XKR4: variants seen among roughly 807,000 people sequenced by gnomAD.
XKR4 encodes the protein XK related 4.
XKR4 carries 12 observed loss-of-function variants against 53.9 expected under a neutral mutation model. The observed-to-expected ratio is 0.22, with a 90% CI of 0.14 to 0.36. The LOEUF is 0.36. XKR4 is among the 10% of genes least tolerant of loss of function. The pLI, the probability that XKR4 is intolerant of heterozygous loss-of-function variation, is 1.00. For synonymous variants in XKR4, 354 were observed against 362.4 expected, an observed-to-expected ratio of 0.98 and a Z score of 0.26; for missense variants, 799 against 859.5, an observed-to-expected ratio of 0.93 and a Z score of 0.88.
chr8:55,429,802 T>C (rs1254249941), intron 2 of XKR4, among the ~76,000 whole-genome samples: 1 of 151,900 alleles, frequency 6.6e-6, no homozygotes, highest in Admixed American at 6.6e-5. Context: ...TACAAAACTT[T>C]TAAACTTTTG....
chr8:55,474,128 C>T (rs1805939502), intron 2 of XKR4, among the ~76,000 whole-genome samples: 1 of 152,030 alleles, frequency 6.6e-6, no homozygotes, highest in African/African-American at 2.4e-5. Flanking sequence ...CCAGGCTGGT[C>T]TTGAACTCCT....
At chr8:55,320,813 G>A (rs900195866) in intron 1 of XKR4, among the ~76,000 whole-genome samples, 8 of 151,942 alleles carry the variant, frequency 5.3e-5, no homozygotes, top group Non-Finnish European at 1.0e-4. Context: ...ACCTTTCTTT[G>A]TGTTAGAAAC....
At chr8:55,197,779 G>A (rs984266027) in intron 1 of XKR4, among the ~76,000 whole-genome samples, 2 of 152,096 alleles carry the variant, frequency 1.3e-5, no homozygotes, top group Non-Finnish European at 2.9e-5. Flanking sequence ...TCCTGACCTC[G>A]TGATCCACCT....
At chr8:55,138,231 G>A (rs1005957353) in intron 1 of XKR4, among the ~76,000 whole-genome samples, 1 of 152,050 alleles carries the variant, frequency 6.6e-6, no homozygotes, top group African/African-American at 2.4e-5. Context: ...ATTTATGTAA[G>A]TTTGCCAGCT....
chr8:55,124,728 T>A (rs1816438290), intron 1 of XKR4, among the ~76,000 whole-genome samples: 1 of 152,206 alleles, frequency 6.6e-6, no homozygotes, highest in South Asian at 2.1e-4. Flanking sequence ...TTTTATTCTT[T>A]TTAGATACAG....
At chr8:55,376,161 G>C (rs1461170790) in intron 2 of XKR4, among the ~76,000 whole-genome samples, 1 of 152,076 alleles carries the variant, frequency 6.6e-6, no homozygotes, top group African/African-American at 2.4e-5. Flanking sequence ...CCATGTCTTT[G>C]CTATTGTGAA....
Position 55,169,436 on chromosome 8 carries a change from C to A in XKR4, c.806+66142C>A, listed in dbSNP as rs142950976. On this transcript the variant is annotated intron_variant, in intron 1 of 2. Coordinates refer to ENST00000327381, the MANE Select transcript of XKR4 (RefSeq NM_052898.2). ...ATGCCAAACCCAATATGAAAGTCAT[C>A]AGTTTAGAGTTACAGAAGGGTATCG... is the stretch of plus-strand genomic sequence containing the variant. Among the ~76,000 whole-genome samples the A allele has an allele frequency of 3.4e-3, 515 of 152,310 alleles. 3 individuals carry two copies. The highest frequency in any genetic ancestry group is 0.012 in the African/African-American group (480 of 41,560).
At chr8:55,452,307 G>A in intron 2 of XKR4, 1 of 644,130 alleles carries the variant, frequency 1.6e-6, no homozygotes, top group Non-Finnish European at 2.9e-6. Context: ...CTTGGTCAGC[G>A]CGGCCACCGG....
In XKR4 at chr8:55,477,860, G is replaced by T. The variant is rs537394270; in HGVS notation, c.1007-45421G>T. Among the ~76,000 whole-genome samples the T allele has an allele frequency of 2.0e-5, 3 of 152,154 alleles. No homozygotes were observed. In the South Asian group the frequency reaches 6.2e-4, roughly 32 times the overall value. On this transcript the variant is annotated intron_variant, in intron 2 of 2. Transcript: ENST00000327381. ...TGAGAAGGGAAGTTTAGAGAAAAAA[G>T]AATACAAAGAAACAAACAAAGCCTC...
chr8:55,486,019 G>A lies in XKR4; in HGVS notation c.1007-37262G>A, dbSNP rs186655202. On this transcript the variant is annotated intron_variant, in intron 2 of 2. Transcript: ENST00000327381. ...AACATGAAAGAATACTACTTCATAG[G>A]CCACTTTATACAGTAAAATAGATAC... Among the ~76,000 whole-genome samples, 26 of 152,220 alleles carry A rather than the reference G, an allele frequency of 1.7e-4. No individual in the cohort carries two copies. In the East Asian group the frequency reaches 4.6e-3, roughly 27 times the overall value.
chr8:55,397,158 T>C (rs563202319), intron 2 of XKR4, among the ~76,000 whole-genome samples: 1 of 152,364 alleles, frequency 6.6e-6, no homozygotes, highest in East Asian at 1.9e-4. Context: ...AATTAACTTT[T>C]TGCCTCAATT....
intron 1 of XKR4, among the ~76,000 whole-genome samples, chr8:55,149,441 C>A (rs2129355423): frequency 6.6e-6 from 1 of 152,208 alleles, no homozygotes; most frequent in South Asian, 2.1e-4. Flanking sequence ...TTAAAACACA[C>A]AAGTAGGAGA....
chr8:55,361,222 G>A (rs1439143678), intron 2 of XKR4, among the ~76,000 whole-genome samples: 3 of 152,146 alleles, frequency 2.0e-5, no homozygotes, highest in Non-Finnish European at 4.4e-5. Flanking sequence ...GGTCGTTATG[G>A]TTTTCCAATC....
At chr8:55,378,639 A>T (rs1804184612) in intron 2 of XKR4, among the ~76,000 whole-genome samples, 2 of 152,158 alleles carry the variant, frequency 1.3e-5, no homozygotes, top group Admixed American at 1.3e-4. Flanking sequence ...TCTGTTCAAA[A>T]CTGCACATAG....
At chr8:55,105,871 G>A (rs1295200997) in intron 1 of XKR4, among the ~76,000 whole-genome samples, 1 of 152,206 alleles carries the variant, frequency 6.6e-6, no homozygotes, top group South Asian at 2.1e-4. Context: ...TTCTCTGAGT[G>A]TTGAACATTC....
intron 2 of XKR4, among the ~76,000 whole-genome samples, chr8:55,376,228 C>A (rs1804150632): frequency 6.6e-6 from 1 of 152,018 alleles, no homozygotes; most frequent in Non-Finnish European, 1.5e-5. Context: ...GATTTATATT[C>A]CTTTGGGTAT....
At chr8:55,333,620 C>T (rs1386147521) in intron 1 of XKR4, among the ~76,000 whole-genome samples, 7 of 152,060 alleles carry the variant, frequency 4.6e-5, no homozygotes, top group Admixed American at 3.3e-4. Flanking sequence ...AGTCCCCTTG[C>T]GATTTTCTTG....
intron 2 of XKR4, among the ~76,000 whole-genome samples, chr8:55,381,902 G>A (rs1489860266): frequency 6.6e-6 from 1 of 152,186 alleles, no homozygotes; most frequent in African/African-American, 2.4e-5. Context: ...CAAATTGAGG[G>A]TGCGGGGGCA....
chr8:55,303,804 T>C (rs1585999114), intron 1 of XKR4, among the ~76,000 whole-genome samples: 1 of 152,248 alleles, frequency 6.6e-6, no homozygotes, highest in Non-Finnish European at 1.5e-5. Context: ...TGTAGTATTC[T>C]CTGATGGTAG....
Sources: allele counts gnomAD v4.1 joint callset (sites outside exome capture counted in the v4.1 genomes callset), GRCh38; gene constraint gnomAD v4.1.1; transcripts MANE v1.5; gene names NCBI Gene and HGNC (gene_info 2026-07-23, HGNC 2026-07-21).